Variants in TRPV4 observed in about 807,000 individuals in gnomAD.
TRPV4 encodes the protein transient receptor potential cation channel subfamily V member 4, also known as OSM9-like transient receptor potential channel 4.
A neutral mutation model predicts 84.1 loss-of-function variants in TRPV4; 58 were observed. That is an observed-to-expected ratio of 0.69 (90% CI 0.56 to 0.86). The LOEUF (loss-of-function observed/expected upper bound fraction) is 0.86. Ranked by LOEUF, TRPV4 falls within the 40% of genes least tolerant of loss-of-function variation. The pLI is 0.00. For missense variants in TRPV4, 879 were observed against 1,181.1 expected (o/e 0.74, Z 3.75); for synonymous variants, 489 against 500.9 (o/e 0.98, Z 0.32).
chr12:109,792,142 A>T (rs1249027459), intron 12 of TRPV4, among the ~76,000 whole-genome samples: 3 of 148,080 alleles, frequency 2.0e-5, no homozygotes, highest in Non-Finnish European at 4.5e-5. Context: ...ACTACGTGGG[A>T]GGCTGAGGCA....
chr12:109,799,022 G>T, intron 5 of TRPV4, 110 bp from the exon 6 acceptor site: 1 of 1,067,850 alleles, frequency 9.4e-7, no homozygotes, highest in Non-Finnish European at 1.4e-6. Flanking sequence ...TAATGACGGA[G>T]ACAGCACCAG....
chr12:109,808,546 G>C, intron 2 of TRPV4, 78 bp from the exon 3 acceptor site: 1 of 1,469,002 alleles, frequency 6.8e-7, no homozygotes, highest in Non-Finnish European at 9.3e-7. Context: ...TAGGGACCCA[G>C]AGACTGTGGT....
intron 1 of TRPV4, among the ~76,000 whole-genome samples, chr12:109,828,037 C>T (rs988575781): frequency 3.9e-5 from 6 of 152,216 alleles, no homozygotes; most frequent in Non-Finnish European, 7.3e-5. Flanking sequence ...GGAAAACGGG[C>T]GCCTGGTGAG....
chr12:109,806,212 T>C (rs76012500), intron 3 of TRPV4, among the ~76,000 whole-genome samples: 1 of 152,048 alleles, frequency 6.6e-6, no homozygotes, highest in Non-Finnish European at 1.5e-5. Context: ...TTTTTTTTTT[T>C]GAGACAGAGT....
At position 109,793,842 on chromosome 12, in the gene TRPV4, A is replaced by G. The variant is rs1185494362; in HGVS notation, c.1584+88T>C. On this transcript the variant is annotated intron_variant, in intron 9 of 15. Coordinates refer to ENST00000261740, the MANE Select transcript of TRPV4 (RefSeq NM_021625.5). The surrounding 1 kb of genome is among the most constrained non-coding windows in gnomAD (Gnocchi z 4.0). ...AAAGGAGAAGGACCATTTGGAGGAG[A>G]GAGAAGAGAAAAAGAGGGAGAGAAA... 6 of 1,038,752 alleles carry G rather than the reference A, an allele frequency of 5.8e-6. No individual in the cohort carries two copies. Among genetic ancestry groups the G allele is most frequent in the Non-Finnish European group, 8.9e-6 (6 of 676,240 alleles). The allele number at this position is 1,038,752 out of a possible 1,614,324, so 64.3% of individuals were successfully genotyped here. A position where few individuals can be genotyped will look rare whatever the true frequency, so the allele number is the denominator to read the frequency against.
intron 4 of TRPV4, among the ~76,000 whole-genome samples, chr12:109,801,913 G>GAATCTTA (rs1890811943): frequency 6.6e-6 from 1 of 152,146 alleles, no homozygotes; most frequent in Non-Finnish European, 1.5e-5. Flanking sequence ...CATGGATTTT[G>GAATCTTA]AATCTTAATA....
In TRPV4 at chr12:109,803,069, C is replaced by G; in HGVS notation, c.634G>C (p.Val212Leu). The G allele has an allele frequency of 6.2e-7, 1 of 1,614,198 alleles. No individual in the cohort carries two copies. The highest frequency in any genetic ancestry group is 8.5e-7 in the Non-Finnish European group (1 of 1,180,048). The change falls in exon 4 of 16, where the codon GTG becomes CTG. Residue 212 changes from valine to leucine, a missense_variant. Val to Leu is a conservative substitution (Grantham distance 32). Transcript: ENST00000261740. ...GTGCGCTCCGCGATGTCCAGCAGCA[C>G]AGGGATGGTGTCGTTGCGGCCATTG... ...LSNGRNDTIP[V>L]LLDIAERTGN...
rs1280842270 is a variant in TRPV4 at position 109,793,529 on chromosome 12, G to A, written c.1656C>T (p.Leu552=). Residue 552 remains leucine, a splice_region_variant and synonymous_variant, in exon 10 of 16, where the codon CTC becomes CTT. Coordinates refer to ENST00000261740, the MANE Select transcript of TRPV4 (RefSeq NM_021625.5). The surrounding 1 kb of genome is among the most constrained non-coding windows in gnomAD (Gnocchi z 4.0). ...SLFIDGSFQL[L]YFIYSVLVIV... is the part of the protein sequence containing the mutation. ...CCGGCCCAGGGACCTCTACTCACTA[G>A]AGCAGCTGGAAGGAGCCATCAATGA... 1 of 1,612,322 alleles carries A rather than the reference G, an allele frequency of 6.2e-7. No individual in the cohort carries two copies. The highest frequency in any genetic ancestry group is 1.7e-5 in the Admixed American group (1 of 59,986).
intron 1 of TRPV4, among the ~76,000 whole-genome samples, chr12:109,818,134 C>T (rs1453658061): frequency 6.6e-6 from 1 of 151,738 alleles, no homozygotes; most frequent in African/African-American, 2.4e-5. Context: ...GATTGAATCC[C>T]TCCATGGACT....
chr12:109,792,300 C>CATG, intron 12 of TRPV4, 63 bp downstream of exon 12: 1 of 967,984 alleles, frequency 1.0e-6, no homozygotes, highest in East Asian at 2.9e-5. Context: ...CCCTATACAT[C>CATG]ATGGCTACTG....
intron 1 of TRPV4, among the ~76,000 whole-genome samples, chr12:109,830,152 C>T (rs1349742102): frequency 3.3e-5 from 5 of 152,264 alleles, no homozygotes; most frequent in African/African-American, 1.2e-4. Flanking sequence ...AGAGTAGCTC[C>T]CCCATGACCC....
chr12:109,788,719 G>A lies in TRPV4; in HGVS notation c.1892-3C>T, dbSNP rs565397244. ...CGGGTTCAGGAGGGAGACCAGGGCT[G>A]TGGGAGGATAGGGGTGGCACTCACT... On this transcript the variant is annotated splice_region_variant and splice_polypyrimidine_tract_variant and intron_variant, in intron 12 of 15. Transcript: ENST00000261740. 3 of 1,614,086 alleles carry A rather than the reference G, an allele frequency of 1.9e-6. No homozygotes were observed. Among genetic ancestry groups the A allele is most frequent in the Non-Finnish European group, 2.5e-6 (3 of 1,180,046 alleles).
intron 1 of TRPV4, among the ~76,000 whole-genome samples, chr12:109,824,734 C>T (rs1016636951): frequency 2.7e-5 from 4 of 146,988 alleles, no homozygotes; most frequent in African/African-American, 1.0e-4. Context: ...CCAGCGGGGG[C>T]GACAAGAGCG....
Position 109,794,014 on chromosome 12 carries a change from G to T in TRPV4, c.1500C>A (p.Tyr500Ter), listed in dbSNP as rs1323489920. 2 of 1,605,396 alleles carry T rather than the reference G, an allele frequency of 1.2e-6. No individual in the cohort carries two copies. Among genetic ancestry groups the T allele is most frequent in the East Asian group, 2.2e-5 (1 of 44,556 alleles). ...YYQPLEGTPP[Y>*]PYRTTVDYLR... is the part of the protein sequence containing the mutation. ...GGTAGTCCACCGTGGTGCGGTAAGG[G>T]TACGGCGGCTGGGGAGCAGCAAGGG... Residue 500 changes from tyrosine to a stop codon, truncating the protein, a stop_gained, in exon 9 of 16, where the codon TAC becomes TAA. Transcript: ENST00000261740. LOFTEE classifies it high-confidence loss of function.
chr12:109,794,526 A>G, intron 7 of TRPV4, 39 bp from the exon 8 acceptor site: 4 of 1,611,208 alleles, frequency 2.5e-6, no homozygotes, highest in Non-Finnish European at 3.4e-6. Context: ...CCTTCCTGAG[A>G]TGGGTGGGGG....
Position 109,786,245 on chromosome 12 carries a change from G to C in TRPV4, c.2336+465C>G, listed in dbSNP as rs1889675728. On this transcript the variant is annotated intron_variant, in intron 14 of 15. Coordinates refer to ENST00000261740, the MANE Select transcript of TRPV4 (RefSeq NM_021625.5). The surrounding 1 kb of genome is among the most constrained non-coding windows in gnomAD (Gnocchi z 4.5). ...GAACACGGAGTCATTCTGCAGATGG[G>C]CTGGGTGAGGTCTCCAGCCCTGGAA... is the stretch of plus-strand genomic sequence containing the variant. Among the ~76,000 whole-genome samples the C allele has an allele frequency of 1.3e-5, 2 of 152,300 alleles. No individual in the cohort carries two copies. The highest frequency in any genetic ancestry group is 2.9e-5 in the Non-Finnish European group (2 of 68,016).
intron 1 of TRPV4, among the ~76,000 whole-genome samples, chr12:109,819,103 G>A (rs139514732): frequency 4.6e-5 from 7 of 151,430 alleles, no homozygotes; most frequent in South Asian, 4.2e-4. Context: ...ACACACACCC[G>A]GCTCTGCTGC....
chr12:109,819,554 T>C (rs1892009631), intron 1 of TRPV4, among the ~76,000 whole-genome samples: 1 of 152,216 alleles, frequency 6.6e-6, no homozygotes, highest in African/African-American at 2.4e-5. Flanking sequence ...ACAGCGTTCA[T>C]TCAGAGCAGC....
chr12:109,803,377 G>A (rs765880804), intron 3 of TRPV4, among the ~76,000 whole-genome samples: 1 of 152,218 alleles, frequency 6.6e-6, no homozygotes, highest in Non-Finnish European at 1.5e-5. Context: ...TGAAATGTGA[G>A]AGGCTTCAGC....
Sources: allele counts gnomAD v4.1 joint callset (sites outside exome capture counted in the v4.1 genomes callset), GRCh38; gene constraint gnomAD v4.1.1; non-coding constraint Gnocchi (gnomAD v3.1); transcripts MANE v1.5; gene names NCBI Gene and HGNC (gene_info 2026-07-23, HGNC 2026-07-21).